Variants in IGSF11 observed in about 807,000 individuals in gnomAD.
The protein encoded by IGSF11 is immunoglobulin superfamily member 11, also known as CXADR like 1.
In IGSF11, 22 loss-of-function variants were observed where a neutral mutation model predicts 41.0. The ratio of observed to expected loss-of-function variants is 0.54; its 90% confidence interval spans 0.38 to 0.77. The LOEUF (loss-of-function observed/expected upper bound fraction) is 0.77, where lower values mean the gene tolerates loss of function less well. Ranked by LOEUF, IGSF11 falls within the 30% of genes least tolerant of loss-of-function variation. The pLI, the probability that IGSF11 is intolerant of heterozygous loss-of-function variation, is 0.00. For synonymous variants in IGSF11, 219 were observed against 201.3 expected, an observed-to-expected ratio of 1.09 and a Z score of -0.74; for missense variants, 444 against 530.8, an observed-to-expected ratio of 0.84 and a Z score of 1.61.
chr3:119,137,645 T>C (rs1451896262), intron 1 of IGSF11, among the ~76,000 whole-genome samples: 1 of 152,164 alleles, frequency 6.6e-6, no homozygotes, highest in African/African-American at 2.4e-5. Context: ...CTCCAGTACA[T>C]TGGGCTGAGC....
chr3:119,123,796 G>A (rs961751087), intron 1 of IGSF11, among the ~76,000 whole-genome samples: 35 of 152,216 alleles, frequency 2.3e-4, no homozygotes, highest in African/African-American at 8.2e-4. Context: ...GAACCACAAT[G>A]TTACTGAGCT....
intron 1 of IGSF11, among the ~76,000 whole-genome samples, chr3:119,049,709 G>C (rs2107430484): frequency 6.6e-6 from 1 of 152,210 alleles, no homozygotes; most frequent in East Asian, 1.9e-4. Context: ...TAAGCCAAAA[G>C]AACAAAGCTG....
At chr3:119,097,584 A>G (rs1374313392) in intron 1 of IGSF11, among the ~76,000 whole-genome samples, 2 of 152,108 alleles carry the variant, frequency 1.3e-5, no homozygotes, top group Non-Finnish European at 2.9e-5. Flanking sequence ...ACTTGGTGTC[A>G]TTTGGCTAAC....
At chr3:119,056,289 T>C (rs966512412) in intron 1 of IGSF11, among the ~76,000 whole-genome samples, 1 of 152,110 alleles carries the variant, frequency 6.6e-6, no homozygotes, top group Non-Finnish European at 1.5e-5. Context: ...ATAAAGGGGA[T>C]ATCACCATCG....
intron 4 of IGSF11, among the ~76,000 whole-genome samples, chr3:118,908,227 A>G (rs1472778324): frequency 6.6e-6 from 1 of 152,200 alleles, no homozygotes; most frequent in African/African-American, 2.4e-5. Context: ...CTTGCTTTGA[A>G]AAGTTATTTT....
At chr3:119,139,196 T>C (rs2077605451) in intron 1 of IGSF11, among the ~76,000 whole-genome samples, 1 of 152,152 alleles carries the variant, frequency 6.6e-6, no homozygotes, top group Non-Finnish European at 1.5e-5. Flanking sequence ...ATAGTTTATA[T>C]ATTTCCCGGT....
At chr3:118,972,312 T>C (rs1354951852) in intron 1 of IGSF11, among the ~76,000 whole-genome samples, 3 of 152,248 alleles carry the variant, frequency 2.0e-5, no homozygotes, top group Non-Finnish European at 4.4e-5. Flanking sequence ...AATACTAACC[T>C]ATAATTAATC....
intron 1 of IGSF11, among the ~76,000 whole-genome samples, chr3:119,117,356 T>C (rs1428831957): frequency 6.6e-6 from 1 of 152,056 alleles, no homozygotes. Flanking sequence ...TGCCTCACAA[T>C]AATGAAGGAA....
At chr3:119,133,624 CA>C (rs1236927064) in intron 1 of IGSF11, among the ~76,000 whole-genome samples, 4 of 152,048 alleles carry the variant, frequency 2.6e-5, no homozygotes, top group South Asian at 2.1e-4. Context: ...GATTCACAGC[CA>C]AATTCTAAAA....
intron 5 of IGSF11, 87 bp downstream of exon 5, chr3:118,905,509 A>G: frequency 2.2e-6 from 3 of 1,389,532 alleles, no homozygotes; most frequent in Non-Finnish European, 3.0e-6. Flanking sequence ...ACCTTAAGAC[A>G]ATTCAGCAGA....
At chr3:118,982,100 G>C (rs955796271) in intron 1 of IGSF11, among the ~76,000 whole-genome samples, 2 of 152,122 alleles carry the variant, frequency 1.3e-5, no homozygotes, top group Admixed American at 1.3e-4. Context: ...GTACCTGCCA[G>C]TATATTCAAG....
intron 1 of IGSF11, among the ~76,000 whole-genome samples, chr3:119,097,755 T>C (rs1421692190): frequency 6.6e-6 from 1 of 152,064 alleles, no homozygotes; most frequent in Non-Finnish European, 1.5e-5. Context: ...ACTTCGATGA[T>C]GCTGTTTATT....
At chr3:119,048,517 C>A (rs974998155) in intron 1 of IGSF11, among the ~76,000 whole-genome samples, 8 of 152,250 alleles carry the variant, frequency 5.3e-5, no homozygotes, top group African/African-American at 1.9e-4. Context: ...AGCTTACCAA[C>A]CAAAAAGAGT....
chr3:119,051,152 TTAA>T (rs1297707836), intron 1 of IGSF11, among the ~76,000 whole-genome samples: 2 of 149,856 alleles, frequency 1.3e-5, no homozygotes, highest in Non-Finnish European at 3.0e-5. Flanking sequence ...ATAATAATAA[TTAA>T]TAAATAAATA....
chr3:119,132,418 C>G (rs1258612709), intron 1 of IGSF11, among the ~76,000 whole-genome samples: 2 of 139,792 alleles, frequency 1.4e-5, no homozygotes, highest in East Asian at 4.1e-4. Context: ...GCAGGGGTTG[C>G]GATCCTAGTC....
chr3:119,062,089 T>G (rs940452371), intron 1 of IGSF11, among the ~76,000 whole-genome samples: 1 of 152,180 alleles, frequency 6.6e-6, no homozygotes, highest in Admixed American at 6.6e-5. Flanking sequence ...TCAGGTAATA[T>G]GTATGAAAAT....
At chr3:119,094,251 A>AAAAG (rs2076812553) in intron 1 of IGSF11, among the ~76,000 whole-genome samples, 2 of 125,966 alleles carry the variant, frequency 1.6e-5, no homozygotes, top group African/African-American at 2.7e-5. Context: ...AAAAAAAAAA[A>AAAAG]GTTGTTGTTC....
At chr3:119,096,697 T>C (rs1049456621) in intron 1 of IGSF11, among the ~76,000 whole-genome samples, 1 of 152,166 alleles carries the variant, frequency 6.6e-6, no homozygotes, top group Non-Finnish European at 1.5e-5. Flanking sequence ...AGACTAGAAA[T>C]TCAAACATGA....
At chr3:119,042,073 A>G (rs1185972396) in intron 1 of IGSF11, among the ~76,000 whole-genome samples, 1 of 152,210 alleles carries the variant, frequency 6.6e-6, no homozygotes, top group Non-Finnish European at 1.5e-5. Context: ...CATCACACCA[A>G]TTGGATTTAT....
Sources: gnomAD v4.1 joint callset for allele counts (sites outside exome capture counted in the v4.1 genomes callset) on GRCh38, gnomAD v4.1.1 for gene constraint, MANE v1.5 for transcripts, NCBI Gene and HGNC (gene_info 2026-07-23, HGNC 2026-07-21) for gene names.